EFL1: variants seen among roughly 807,000 people sequenced by gnomAD.
EFL1 encodes the protein elongation factor like GTPase 1.
Under a neutral mutation model 126.7 loss-of-function variants are expected in EFL1, and 76 were observed. That is an observed-to-expected ratio of 0.60 (90% CI 0.50 to 0.73). The LOEUF (loss-of-function observed/expected upper bound fraction) is 0.73. Ranked by LOEUF, EFL1 falls within the 30% of genes least tolerant of loss-of-function variation. The pLI is 0.00. For synonymous variants in EFL1, 410 were observed against 448.4 expected (o/e 0.91, Z 1.08); for missense variants, 1,128 against 1,343.2 (o/e 0.84, Z 2.50).
chr15:82,157,027 T>C (rs1199288778), intron 17 of EFL1, among the ~76,000 whole-genome samples: 1 of 152,198 alleles, frequency 6.6e-6, no homozygotes, highest in Non-Finnish European at 1.5e-5. Context: ...AAAATATGCA[T>C]ACTTTTTGAG....
intron 18 of EFL1, among the ~76,000 whole-genome samples, chr15:82,142,259 C>T (rs918118613): frequency 6.6e-6 from 1 of 152,174 alleles, no homozygotes; most frequent in African/African-American, 2.4e-5. Flanking sequence ...AATACTAGCA[C>T]TTTGGGAGGC....
In EFL1 at chr15:82,240,451, C is replaced by A. The variant is rs763086797; in HGVS notation, c.483G>T (p.Glu161Asp). The A allele has an allele frequency of 3.7e-6, 6 of 1,612,258 alleles. No homozygotes were observed. The highest frequency in any genetic ancestry group is 1.7e-5 in the Admixed American group (1 of 59,862). The change falls in exon 6 of 20, where the codon GAG becomes GAT. Residue 161 changes from glutamate (E) to aspartate (D), a missense_variant. By Grantham distance (45) the Glu-to-Asp change is conservative. Coordinates refer to ENST00000268206, the MANE Select transcript of EFL1 (RefSeq NM_024580.6). ...LIVELKFTPQEAYSHLKNILE... is the reference protein window; with the variant it reads ...LIVELKFTPQDAYSHLKNILE... Reference sequence around the variant, plus strand: ...AAATATTCTTGAGGTGAGAATAGGCCTCTTGTGGGGTGAATTTCAGTTCCA... The same window carrying A: ...AAATATTCTTGAGGTGAGAATAGGCATCTTGTGGGGTGAATTTCAGTTCCA...
chr15:82,192,498 A>G (rs1011623371), intron 15 of EFL1, among the ~76,000 whole-genome samples: 1 of 152,126 alleles, frequency 6.6e-6, no homozygotes, highest in Non-Finnish European at 1.5e-5. Flanking sequence ...AAGCAGAGGG[A>G]GCAGATTTAG....
At chr15:82,147,280 C>T (rs1041448467) in intron 18 of EFL1, among the ~76,000 whole-genome samples, 22 of 152,096 alleles carry the variant, frequency 1.4e-4, no homozygotes, top group African/African-American at 4.8e-4. Flanking sequence ...AATACATGTT[C>T]CCATTATCTT....
intron 15 of EFL1, among the ~76,000 whole-genome samples, chr15:82,212,698 C>T (rs2651682): frequency 1.3e-5 from 2 of 152,050 alleles, no homozygotes; most frequent in African/African-American, 4.8e-5. Context: ...CGAATGCAGC[C>T]AAGAGTGTGG....
At chr15:82,170,593 C>A (rs1019423042) in intron 15 of EFL1, among the ~76,000 whole-genome samples, 3 of 152,170 alleles carry the variant, frequency 2.0e-5, no homozygotes, top group Non-Finnish European at 2.9e-5. Context: ...TAACCTTATG[C>A]AATAAGTGGA....
intron 17 of EFL1, among the ~76,000 whole-genome samples, chr15:82,155,477 G>A (rs1430970515): frequency 6.6e-6 from 1 of 152,108 alleles, no homozygotes; most frequent in Admixed American, 6.5e-5. Flanking sequence ...ATTCCAGCCT[G>A]AGCAATGGGA....
intron 15 of EFL1, among the ~76,000 whole-genome samples, chr15:82,182,499 G>A (rs944499790): frequency 6.6e-6 from 1 of 152,044 alleles, no homozygotes; most frequent in African/African-American, 2.4e-5. Flanking sequence ...ACGACAGGTT[G>A]GGCCAAAGAG....
chr15:82,217,980 G>A lies in EFL1; in HGVS notation c.1611+1672C>T, dbSNP rs901460726. 5.3e-5 allele frequency among the ~76,000 whole-genome samples: 8 copies of A among 152,150 alleles called. 1 individual carries two copies. Among genetic ancestry groups the A allele is most frequent in the African/African-American group, 1.9e-4 (8 of 41,424 alleles). The stretch of plus-strand genomic sequence containing the variant: ...GGCAGCCAAAGGCCAGAAAAAATCT[G>A]GGACTCTTAGTACTGCAGGTGCAAA... On this transcript the variant is annotated intron_variant, in intron 14 of 19. Coordinates refer to ENST00000268206, the MANE Select transcript of EFL1 (RefSeq NM_024580.6).
intron 15 of EFL1, chr15:82,174,362 G>T (rs1424560253): frequency 6.6e-6 from 1 of 151,756 alleles, no homozygotes; most frequent in Non-Finnish European, 1.5e-5. Flanking sequence ...TGTGATCTTG[G>T]TATCTCCCCT....
intron 15 of EFL1, among the ~76,000 whole-genome samples, chr15:82,198,432 G>A (rs542453058): frequency 4.9e-4 from 74 of 152,062 alleles, no homozygotes; most frequent in Non-Finnish European, 9.4e-4. Context: ...ATCCAATCAG[G>A]ATAACTATTT....
chr15:82,164,187 CT>C (rs2074053359), intron 15 of EFL1, among the ~76,000 whole-genome samples: 1 of 152,032 alleles, frequency 6.6e-6, no homozygotes, highest in African/African-American at 2.4e-5. Context: ...GAAATTCTGC[CT>C]TTTGTTTCCC....
At chr15:82,220,743 G>C (rs902667081) in intron 12 of EFL1, among the ~76,000 whole-genome samples, 1 of 151,312 alleles carries the variant, frequency 6.6e-6, no homozygotes, top group South Asian at 2.1e-4. Context: ...CAGTGTGTGG[G>C]TGTGTATGTG....
intron 15 of EFL1, among the ~76,000 whole-genome samples, chr15:82,180,026 C>G (rs1187629457): frequency 6.6e-6 from 1 of 152,132 alleles, no homozygotes; most frequent in Non-Finnish European, 1.5e-5. Flanking sequence ...AGTACCTTGA[C>G]AATCTAAATA....
chr15:82,157,956 A>T, intron 16 of EFL1, 96 bp from the exon 17 acceptor site: 1 of 1,291,344 alleles, frequency 7.7e-7, no homozygotes. Flanking sequence ...TTACATTGAA[A>T]TAAACTCTTA....
intron 2 of EFL1, 86 bp from the exon 3 acceptor site, chr15:82,259,241 A>G: frequency 2.4e-6 from 3 of 1,230,098 alleles, no homozygotes; most frequent in Non-Finnish European, 3.5e-6. Flanking sequence ...ATCTGGTCAT[A>G]AGAATTGGTT....
At chr15:82,229,204 T>C (rs1413474663) in intron 8 of EFL1, 94 bp from the exon 9 acceptor site, 3 of 949,010 alleles carry the variant, frequency 3.2e-6, no homozygotes, top group East Asian at 2.7e-5. Flanking sequence ...ATATGTTTCA[T>C]TTCTACTTGA....
chr15:82,237,967 T>C (rs1170936285), intron 7 of EFL1, among the ~76,000 whole-genome samples: 1 of 152,098 alleles, frequency 6.6e-6, no homozygotes, highest in East Asian at 1.9e-4. Flanking sequence ...AAATGAGAAA[T>C]TTGGAGATAA....
chr15:82,176,648 G>A (rs781286428), intron 15 of EFL1, among the ~76,000 whole-genome samples: 9 of 152,048 alleles, frequency 5.9e-5, no homozygotes, highest in Non-Finnish European at 1.2e-4. Flanking sequence ...AAAATGACTC[G>A]AATGAAAGCA....
Sources: gnomAD v4.1 joint callset for allele counts (sites outside exome capture counted in the v4.1 genomes callset) on GRCh38, gnomAD v4.1.1 for gene constraint, MANE v1.5 for transcripts, NCBI Gene and HGNC (gene_info 2026-07-23, HGNC 2026-07-21) for gene names.